RRP9: variants seen among roughly 807,000 people sequenced by gnomAD.
The protein encoded by RRP9 is U3 small nucleolar RNA-interacting protein 2.
Under a neutral mutation model 65.5 loss-of-function variants are expected in RRP9, and 35 were observed. The ratio of observed to expected loss-of-function variants is 0.53; its 90% CI spans 0.41 to 0.71. The LOEUF (loss-of-function observed/expected upper bound fraction) is 0.71, where lower values mean the gene tolerates loss of function less well. Among genes scored for constraint, RRP9 ranks in the 30% least tolerant of loss-of-function variants. RRP9 has a pLI of 0.00. For synonymous variants in RRP9, 254 were observed against 245.0 expected (o/e 1.04, Z -0.34); for missense variants, 533 against 633.6 (o/e 0.84, Z 1.70).
In RRP9 at chr3:51,937,058, C is replaced by G. The variant is rs1024795791; in HGVS notation, c.517+134G>C. Reference sequence around the variant, plus strand: ...AGCTTTCACTGTCACCCAGAGAGCACTCCTAGGGCAGCAAACCTGCCTCCA... The same window carrying G: ...AGCTTTCACTGTCACCCAGAGAGCAGTCCTAGGGCAGCAAACCTGCCTCCA... On this transcript the variant is annotated intron_variant, in intron 6 of 14. Coordinates refer to ENST00000232888, the MANE Select transcript of RRP9 (RefSeq NM_004704.5). This position sits in a 1 kb window ranked among gnomAD's most constrained non-coding sequence, Gnocchi z 5.0. The G allele has an allele frequency of 2.6e-6, 3 of 1,144,746 alleles. No homozygotes were observed. The highest frequency in any genetic ancestry group is 3.8e-6 in the Non-Finnish European group (3 of 792,740). The allele number at this position is 1,144,746 out of a possible 1,614,324, so 70.9% of individuals were successfully genotyped here.
intron 2 of RRP9, 104 bp downstream of exon 2, chr3:51,941,305 A>G: frequency 1.0e-6 from 1 of 989,336 alleles, no homozygotes. Flanking sequence ...GAGCCAAGGG[A>G]CAGAGTCTTG....
intron 2 of RRP9, among the ~76,000 whole-genome samples, chr3:51,939,390 T>A (rs529238111): frequency 2.0e-5 from 3 of 152,238 alleles, no homozygotes; most frequent in Non-Finnish European, 4.4e-5. Flanking sequence ...GAAGGATTCA[T>A]ACGCATGAGA....
intron 2 of RRP9, among the ~76,000 whole-genome samples, chr3:51,939,796 T>G (rs1287605995): frequency 6.6e-6 from 1 of 152,234 alleles, no homozygotes; most frequent in African/African-American, 2.4e-5. Context: ...GGTAAGTAAG[T>G]GTACAGAGGT....
chr3:51,935,628 A>C lies in RRP9; in HGVS notation c.800T>G (p.Val267Gly), dbSNP rs1699449413. 1.2e-6 allele frequency: 2 copies of C among 1,613,950 alleles called. No individual in the cohort carries two copies. The highest frequency in any genetic ancestry group is 1.7e-6 in the Non-Finnish European group (2 of 1,179,950). ...YSTSHDRSVKVWNVAENSYVE... is the reference protein window; with the variant it reads ...YSTSHDRSVKGWNVAENSYVE... ...GTAGGAGTTCTCTGCCACATTCCAC[A>C]CCTTCACGGAGCGATCGTGGGATGT... is the stretch of plus-strand genomic sequence containing the variant. Residue 267 changes from valine to glycine, a missense_variant, in exon 9 of 15, where the codon GTG becomes GGG. By Grantham distance (109) the Val-to-Gly change is moderately radical. This residue lies in a region of RRP9 where 449 missense variants were observed against 550.6 expected (regional missense o/e 0.82). Coordinates refer to ENST00000232888, the MANE Select transcript of RRP9 (RefSeq NM_004704.5).
Position 51,935,107 on chromosome 3 carries a change from G to A in RRP9, c.1034+90C>T, listed in dbSNP as rs1699439612. 2.9e-6 allele frequency: 4 copies of A among 1,381,324 alleles called. No individual in the cohort carries two copies. The South Asian group carries it at 3.5e-5, about 12-fold the overall frequency. The allele number at this position is 1,381,324 out of a possible 1,614,324, so 85.6% of individuals were successfully genotyped here. On this transcript the variant is annotated intron_variant, in intron 11 of 14. Transcript: ENST00000232888. Reference sequence around the variant, plus strand: ...AAGAGGTTACAACAGCTCCCCCACTGGGGGTGCCCTGAGGCAAGCTCAGGG... The same window carrying A: ...AAGAGGTTACAACAGCTCCCCCACTAGGGGTGCCCTGAGGCAAGCTCAGGG...
Position 51,941,823 on chromosome 3 carries a change from A to G in RRP9, c.45T>C (p.Ser15=). The G allele has an allele frequency of 6.3e-7, 1 of 1,582,582 alleles. No homozygotes were observed. Among genetic ancestry groups the G allele is most frequent in the Non-Finnish European group, 8.5e-7 (1 of 1,172,582 alleles). Residue 15 remains serine (S), a synonymous_variant, in exon 1 of 15, where the codon TCT becomes TCC. Transcript: ENST00000232888. ...AAARKRGKPA[S]GAGAGAGAGK... is the part of the protein sequence containing the mutation. ...CGGCCCCCGCGCCAGCCCCGGCCCC[A>G]GAGGCCGGCTTTCCCCGCTTACGAG... is the stretch of plus-strand genomic sequence containing the variant.
At position 51,934,557 on chromosome 3, in the gene RRP9, G is replaced by T; in HGVS notation, c.1181-6C>A. On this transcript the variant is annotated splice_polypyrimidine_tract_variant and splice_region_variant and intron_variant, in intron 12 of 14. Coordinates refer to ENST00000232888, the MANE Select transcript of RRP9 (RefSeq NM_004704.5). This position sits in a 1 kb window ranked among gnomAD's most constrained non-coding sequence, Gnocchi z 4.1. ...CACACAGGAGCTGTGGGAGCCTGGGGAGACTGGAACAGTGAGCAACCCCTG... is the reference window on the plus strand; with the variant it reads ...CACACAGGAGCTGTGGGAGCCTGGGTAGACTGGAACAGTGAGCAACCCCTG... 6.2e-7 allele frequency: 1 copy of T among 1,614,002 alleles called. No homozygotes were observed. The highest frequency in any genetic ancestry group is 1.1e-5 in the South Asian group (1 of 91,078).
intron 6 of RRP9, 139 bp from the exon 7 acceptor site, chr3:51,936,694 A>G: frequency 1.1e-6 from 1 of 891,840 alleles, no homozygotes; most frequent in Non-Finnish European, 1.7e-6. Context: ...AGCCACCGTG[A>G]GCCTCCGGAC....
Position 51,937,277 on chromosome 3 carries a change from C to A in RRP9, c.432G>T (p.Gly144=). Residue 144 remains glycine, a synonymous_variant, in exon 6 of 15, where the codon GGG becomes GGT. Coordinates refer to ENST00000232888, the MANE Select transcript of RRP9 (RefSeq NM_004704.5). The surrounding 1 kb of genome is among the most constrained non-coding windows in gnomAD (Gnocchi z 5.0). ...CCAAACATGTGATAGAGAGCTGGTG[C>A]CCCCGTAAAACGCGAATGTCAGCTG... ...PASADIRVLR[G]HQLSITCLVV... is the part of the protein sequence containing the mutation. 6.2e-7 allele frequency: 1 copy of A among 1,614,142 alleles called. No individual in the cohort carries two copies.
chr3:51,941,846 G>T lies in RRP9; in HGVS notation c.22C>A (p.Arg8Ser). Residue 8 changes from arginine (R) to serine (S), a missense_variant, in exon 1 of 15, where the codon CGT becomes AGT. Arg to Ser is a moderately radical substitution (Grantham distance 110, BLOSUM62 -1). Transcript: ENST00000232888. The stretch of plus-strand genomic sequence containing the variant: ...CCAGAGGCCGGCTTTCCCCGCTTAC[G>T]AGCAGCCGCTGTTGCCGACATGCTG... MSATAAA[R>S]KRGKPASGAG... 1 of 1,582,874 alleles carries T rather than the reference G, an allele frequency of 6.3e-7. No homozygotes were observed. Among genetic ancestry groups the T allele is most frequent in the Non-Finnish European group, 8.5e-7 (1 of 1,172,632 alleles).
At chr3:51,935,281 A>T in intron 10 of RRP9, 22 bp from the exon 11 acceptor site, 12 of 1,614,116 alleles carry the variant, frequency 7.4e-6, no homozygotes, top group Non-Finnish European at 9.3e-6. Context: ...GGCTGTGAGG[A>T]GCGTGGCCCA....
At position 51,933,591 on chromosome 3, in the gene RRP9, C is replaced by T. The variant is rs778278452; in HGVS notation, c.1343G>A (p.Arg448Gln). ...AGVGQEHRLGRWWRIKEARNS... is the reference protein window; with the variant it reads ...AGVGQEHRLGQWWRIKEARNS... ...CCGAGCCTCTTTGATTCTCCACCAT[C>T]GGCCAAGCCTGCAGGGAGTGCAAGA... Residue 448 changes from arginine to glutamine, a missense_variant, in exon 15 of 15, where the codon CGA (arginine) becomes CAA (glutamine). By Grantham distance (43) the Arg-to-Gln change is conservative (BLOSUM62 1). Transcript: ENST00000232888. 6.8e-6 allele frequency: 11 copies of T among 1,614,030 alleles called. No homozygotes were observed. Among genetic ancestry groups the T allele is most frequent in the East Asian group, 2.2e-5 (1 of 44,876 alleles).
rs147742914 is a variant in RRP9, at chr3:51,935,635, C to T, written c.793G>A (p.Val265Met). Reference protein sequence around the residue: ...QLYSTSHDRSVKVWNVAENSY... With the variant: ...QLYSTSHDRSMKVWNVAENSY... ...TTCTCTGCCACATTCCACACCTTCA[C>T]GGAGCGATCGTGGGATGTGCTGTAG... The change falls in exon 9 of 15, where the codon GTG becomes ATG. Residue 265 changes from valine (V) to methionine (M), a missense_variant. Coordinates refer to ENST00000232888, the MANE Select transcript of RRP9 (RefSeq NM_004704.5). 11 of 1,614,066 alleles carry T rather than the reference C, an allele frequency of 6.8e-6. No homozygotes were observed. Among genetic ancestry groups the T allele is most frequent in the Middle Eastern group, 1.6e-4 (1 of 6,084 alleles).
intron 2 of RRP9, 71 bp downstream of exon 2, chr3:51,941,338 G>C (rs184113117): frequency 8.0e-7 from 1 of 1,255,198 alleles, no homozygotes; most frequent in African/African-American, 1.5e-5. Context: ...AGTTCTGTTC[G>C]GACTCACTCA....
rs769442004 is a variant in RRP9 at position 51,933,474 on chromosome 3, T to C, written c.*32A>G. On this transcript the variant is annotated 3_prime_UTR_variant, in exon 15 of 15. Transcript: ENST00000232888. ...AATACAAAGAGGGTGGGGCATAGCC[T>C]GGGAAGGACTTAAATAAGGAGGATA... The C allele has an allele frequency of 6.4e-7, 1 of 1,561,432 alleles. No individual in the cohort carries two copies. The highest frequency in any genetic ancestry group is 1.4e-5 in the African/African-American group (1 of 73,492).
In RRP9 at chr3:51,941,830, G is replaced by C. The variant is rs4687604; in HGVS notation, c.38C>G (p.Pro13Arg). 6.3e-7 allele frequency: 1 copy of C among 1,582,768 alleles called. No individual in the cohort carries two copies. The highest frequency in any genetic ancestry group is 2.3e-5 in the East Asian group (1 of 43,684). Residue 13 changes from proline to arginine, a missense_variant, in exon 1 of 15, where the codon CCG becomes CGG. Physicochemically the swap from Pro to Arg is moderately radical, Grantham distance 103. Coordinates refer to ENST00000232888, the MANE Select transcript of RRP9 (RefSeq NM_004704.5). ...CGCGCCAGCCCCGGCCCCAGAGGCCGGCTTTCCCCGCTTACGAGCAGCCGC... is the reference window on the plus strand; with the variant it reads ...CGCGCCAGCCCCGGCCCCAGAGGCCCGCTTTCCCCGCTTACGAGCAGCCGC... Reference protein sequence around the residue: ...ATAAARKRGKPASGAGAGAGA... With the variant: ...ATAAARKRGKRASGAGAGAGA...
chr3:51,933,531 G>C lies in RRP9; in HGVS notation c.1403C>G (p.Pro468Arg). The C allele has an allele frequency of 6.2e-7, 1 of 1,614,064 alleles. No individual in the cohort carries two copies. The highest frequency in any genetic ancestry group is 8.5e-7 in the Non-Finnish European group (1 of 1,179,972). The change falls in exon 15 of 15, where the codon CCT (proline) becomes CGT (arginine). Residue 468 changes from proline (P) to arginine (R), a missense_variant. Pro to Arg is a moderately radical substitution (Grantham distance 103, BLOSUM62 -2). Around this residue, in one of 3 missense-constraint regions of RRP9, gnomAD observed 449 missense variants for 550.6 expected, o/e 0.82. Coordinates refer to ENST00000232888, the MANE Select transcript of RRP9 (RefSeq NM_004704.5). ...TCAGGAACCAGCAGCTGGGGGTACA[G>C]GGACCCTGCGGAGTGGGATGATGCA... is the stretch of plus-strand genomic sequence containing the variant. ...SVCIIPLRRVPVPPAAGS is the reference protein window; with the variant it reads ...SVCIIPLRRVRVPPAAGS
At position 51,934,385 on chromosome 3, in the gene RRP9, G is replaced by T; in HGVS notation, c.1260+87C>A. 2 of 1,389,144 alleles carry T rather than the reference G, an allele frequency of 1.4e-6. No individual in the cohort carries two copies. The highest frequency in any genetic ancestry group is 2.0e-6 in the Non-Finnish European group (2 of 1,015,662). 86.1% of individuals were successfully genotyped at this position (1,389,144 alleles called of 1,614,324 possible). On this transcript the variant is annotated intron_variant, in intron 13 of 14. Coordinates refer to ENST00000232888, the MANE Select transcript of RRP9 (RefSeq NM_004704.5). This position sits in a 1 kb window ranked among gnomAD's most constrained non-coding sequence, Gnocchi z 4.1. ...CCCTGCCCTGAGAAGGTTCCCTTCT[G>T]GCAGGAAGAAAGACCTTAAAGAGCT... is the stretch of plus-strand genomic sequence containing the variant.
rs1553715558 is a variant in RRP9 at position 51,941,561 on chromosome 3, C to CCCCG, written c.88-71_88-70insCGGG. On this transcript the variant is annotated intron_variant, in intron 1 of 14. Coordinates refer to ENST00000232888, the MANE Select transcript of RRP9 (RefSeq NM_004704.5). ...CCTGGCATTGACCAAGGGCCCCCCCCCCTCGGTTCCCTCAGAACCCCAGGA... is the reference window on the plus strand; with the variant it reads ...CCTGGCATTGACCAAGGGCCCCCCCCCCCGCCTCGGTTCCCTCAGAACCCCAGGA... 9.4e-6 allele frequency: 13 copies of CCCCG among 1,388,598 alleles called. No homozygotes were observed. In the African/African-American group the frequency reaches 1.2e-4, roughly 12 times the overall value. The allele number at this position is 1,388,598 out of a possible 1,614,324, so 86.0% of individuals were successfully genotyped here. A position where few individuals can be genotyped will look rare whatever the true frequency, so the allele number is the denominator to read the frequency against.
Sources: allele counts gnomAD v4.1 joint callset (sites outside exome capture counted in the v4.1 genomes callset), GRCh38; gene constraint gnomAD v4.1.1; regional missense constraint gnomAD v4.1.1; non-coding constraint Gnocchi (gnomAD v3.1); transcripts MANE v1.5; gene names NCBI Gene and HGNC (gene_info 2026-07-23, HGNC 2026-07-21).